The following MTOR variants were observed in gnomAD, a reference collection of about 807,000 sequenced individuals.
MTOR encodes serine/threonine-protein kinase mTOR.
MTOR carries 70 observed loss-of-function variants against 319.8 expected under a neutral mutation model. The observed-to-expected ratio is 0.22, with a 90% CI of 0.18 to 0.27. The LOEUF is 0.27. Among genes scored for constraint, MTOR ranks in the 10% least tolerant of loss-of-function variants. The pLI, the probability that MTOR is intolerant of heterozygous loss-of-function variation, is 1.00. For missense variants in MTOR, 1,890 were observed against 3,274.4 expected (o/e 0.58, Z 10.32); for synonymous variants, 1,183 against 1,211.4 (o/e 0.98, Z 0.49).
Position 11,234,245 on chromosome 1 carries a change from G to A in MTOR, c.2229C>T (p.His743=). 6.2e-7 allele frequency: 1 copy of A among 1,613,750 alleles called. No individual in the cohort carries two copies. Among genetic ancestry groups the A allele is most frequent in the Non-Finnish European group, 8.5e-7 (1 of 1,179,862 alleles). The part of the protein sequence containing the change: ...MLIQILTELE[H]SGIGRIKEQS... ...GCTCTTTGATTCTTCCAATCCCACTGTGCTCCAACTCTGTCAAAATCTGTA... is the reference window on the plus strand; with the variant it reads ...GCTCTTTGATTCTTCCAATCCCACTATGCTCCAACTCTGTCAAAATCTGTA... The change falls in exon 14 of 58, where the codon CAC becomes CAT. Residue 743 remains histidine, a synonymous_variant. Transcript: ENST00000361445.
At chr1:11,165,292 G>A (rs1238226147) in intron 29 of MTOR, among the ~76,000 whole-genome samples, 1 of 152,136 alleles carries the variant, frequency 6.6e-6, no homozygotes, top group Non-Finnish European at 1.5e-5. Flanking sequence ...TAGGAAAAGA[G>A]GAAGTCAAAT....
chr1:11,239,456 T>C (rs1295990682), intron 11 of MTOR, among the ~76,000 whole-genome samples: 1 of 151,694 alleles, frequency 6.6e-6, no homozygotes, highest in African/African-American at 2.4e-5. Flanking sequence ...TGTTCAGGCT[T>C]TCTGTACTTG....
At chr1:11,246,016 T>C (rs1213144101) in intron 8 of MTOR, among the ~76,000 whole-genome samples, 1 of 152,210 alleles carries the variant, frequency 6.6e-6, no homozygotes, top group Non-Finnish European at 1.5e-5. Flanking sequence ...TTTTTTATAT[T>C]TCTAAAGCTT....
At position 11,115,529 on chromosome 1, in the gene MTOR, A is replaced by G. The variant is rs773983641; in HGVS notation, c.7017-61T>C. On this transcript the variant is annotated intron_variant, in intron 50 of 57. Transcript: ENST00000361445. This position sits in a 1 kb window ranked among gnomAD's most constrained non-coding sequence, Gnocchi z 4.5. ...ACAGAGATAACGGATGAAAAAATCA[A>G]TAAGTACGTGATACTGTAAGCTAGG... is the stretch of plus-strand genomic sequence containing the variant. 125 of 1,508,706 alleles carry G rather than the reference A, an allele frequency of 8.3e-5. No individual in the cohort carries two copies. The highest frequency in any genetic ancestry group is 1.1e-4 in the African/African-American group (8 of 72,734). 93.5% of individuals were successfully genotyped at this position (1,508,706 alleles called of 1,614,324 possible).
In MTOR at chr1:11,130,520, G is replaced by A. The variant is rs1168547375; in HGVS notation, c.5613+9C>T. On this transcript the variant is annotated intron_variant, in intron 39 of 57. Transcript: ENST00000361445. ...GGTTGGTTGTTAATAAGGAAGAAGG[G>A]AAGGGTACCTCAGTGACCTTCTTCT... 6.2e-7 allele frequency: 1 copy of A among 1,609,278 alleles called. No homozygotes were observed. The highest frequency in any genetic ancestry group is 1.3e-5 in the African/African-American group (1 of 74,650).
intron 29 of MTOR, among the ~76,000 whole-genome samples, chr1:11,164,650 G>C (rs999974029): frequency 6.6e-6 from 1 of 152,224 alleles, no homozygotes; most frequent in East Asian, 1.9e-4. Context: ...GTTCACAGCC[G>C]AATTCTACCA....
intron 25 of MTOR, 143 bp from the exon 26 acceptor site, chr1:11,204,846 A>G (rs902141948): frequency 7.0e-6 from 7 of 1,002,368 alleles, no homozygotes; most frequent in East Asian, 2.6e-5. Context: ...ACAAATACAA[A>G]AGAATAATAT....
chr1:11,107,851 T>C lies in MTOR; in HGVS notation c.7634+330A>G, dbSNP rs190915778. 1.2e-3 allele frequency among the ~76,000 whole-genome samples: 182 copies of C among 152,330 alleles called. 3 individuals are homozygous for C. Among genetic ancestry groups the C allele is most frequent in the Non-Finnish European group, 2.4e-3 (161 of 68,028 alleles). On this transcript the variant is annotated intron_variant, in intron 57 of 57. Coordinates refer to ENST00000361445, the MANE Select transcript of MTOR (RefSeq NM_004958.4). ...GTCACTGCTCTAGCTTTTTCTTTCC[T>C]TCGCCCTTCCTGTATCTCTGCACTG...
intron 32 of MTOR, 197 bp from the exon 33 acceptor site, chr1:11,145,242 G>A: frequency 5.1e-6 from 3 of 586,112 alleles, no homozygotes; most frequent in South Asian, 2.1e-5. Flanking sequence ...ATCGAAGACA[G>A]AAATGTATGG....
At chr1:11,244,711 A>G (rs1163843613) in intron 8 of MTOR, among the ~76,000 whole-genome samples, 2 of 152,266 alleles carry the variant, frequency 1.3e-5, no homozygotes, top group African/African-American at 4.8e-5. Context: ...GACCATGTAT[A>G]TGATGGTGGT....
rs1418575390 is a variant in MTOR at position 11,203,070 on chromosome 1, G to A, written c.3944+1491C>T. ...TCTACTAAAATTACAAAAAATAGCC[G>A]GGCGTGGTGGCGTGTGCCTGTACTC... On this transcript the variant is annotated intron_variant, in intron 26 of 57. Transcript: ENST00000361445. Among the ~76,000 whole-genome samples, 7 of 151,902 alleles carry A rather than the reference G, an allele frequency of 4.6e-5. 1 individual carries two copies. Among genetic ancestry groups the A allele is most frequent in the South Asian group, 4.2e-4 (2 of 4,816 alleles).
intron 25 of MTOR, among the ~76,000 whole-genome samples, chr1:11,207,973 A>G (rs910369635): frequency 6.6e-6 from 1 of 152,174 alleles, no homozygotes; most frequent in African/African-American, 2.4e-5. Context: ...ACTTCCTGGA[A>G]GCAAACTAGA....
chr1:11,245,118 T>C (rs1283884901), intron 8 of MTOR, among the ~76,000 whole-genome samples: 2 of 152,244 alleles, frequency 1.3e-5, no homozygotes, highest in Non-Finnish European at 2.9e-5. Context: ...GAAGAAGATT[T>C]AGTCTATAAT....
At chr1:11,247,410 G>C (rs974512098) in intron 8 of MTOR, among the ~76,000 whole-genome samples, 3 of 152,102 alleles carry the variant, frequency 2.0e-5, no homozygotes, top group African/African-American at 7.2e-5. Flanking sequence ...AAATTTGCTT[G>C]GCCATAGAAT....
At chr1:11,124,733 C>CCTG in intron 46 of MTOR, 100 bp from the exon 47 acceptor site, 1 of 1,290,410 alleles carries the variant, frequency 7.7e-7, no homozygotes. Context: ...CTACATATGC[C>CCTG]TTACCTAATC....
chr1:11,201,342 G>A (rs1173009913), intron 26 of MTOR, among the ~76,000 whole-genome samples: 1 of 152,182 alleles, frequency 6.6e-6, no homozygotes, highest in African/African-American at 2.4e-5. Flanking sequence ...CTGAGTACAT[G>A]ATATCTCCAC....
intron 28 of MTOR, among the ~76,000 whole-genome samples, chr1:11,178,853 T>C (rs1645065070): frequency 6.6e-6 from 1 of 152,236 alleles, no homozygotes; most frequent in Admixed American, 6.5e-5. Context: ...ACTCAGTCCA[T>C]TATGTGGATA....
intron 28 of MTOR, among the ~76,000 whole-genome samples, chr1:11,180,221 G>C (rs1429339310): frequency 6.6e-6 from 1 of 152,166 alleles, no homozygotes; most frequent in Non-Finnish European, 1.5e-5. Flanking sequence ...GTGTTTTGCT[G>C]TGAGCAAAAC....
At chr1:11,124,719 C>G (rs2100384314) in intron 46 of MTOR, 86 bp from the exon 47 acceptor site, 1 of 1,463,298 alleles carries the variant, frequency 6.8e-7, no homozygotes, top group South Asian at 1.3e-5. Flanking sequence ...AGAGATCCCA[C>G]AGACTACATA....
Sources: allele counts gnomAD v4.1 joint callset (sites outside exome capture counted in the v4.1 genomes callset), GRCh38; gene constraint gnomAD v4.1.1; non-coding constraint Gnocchi (gnomAD v3.1); transcripts MANE v1.5; gene names NCBI Gene and HGNC (gene_info 2026-07-23, HGNC 2026-07-21).